Variants in KATNIP observed in about 807,000 individuals in gnomAD.
KATNIP encodes the protein katanin-interacting protein.
In KATNIP, 126 loss-of-function variants were observed where a neutral mutation model predicts 174.0. That is an observed-to-expected ratio of 0.72 (90% CI 0.63 to 0.84). The LOEUF is 0.84. Ranked by LOEUF, KATNIP falls within the 40% of genes least tolerant of loss-of-function variation. The pLI is 0.00. For missense variants in KATNIP, 1,958 were observed against 2,109.7 expected (o/e 0.93, Z 1.41); for synonymous variants, 810 against 835.7 (o/e 0.97, Z 0.53).
chr16:27,569,799 A>C (rs1443354002), intron 1 of KATNIP, among the ~76,000 whole-genome samples: 1 of 152,230 alleles, frequency 6.6e-6, no homozygotes, highest in Non-Finnish European at 1.5e-5. Flanking sequence ...TAATTGAGTG[A>C]ATTATCTTCG....
In KATNIP at chr16:27,777,937, A is replaced by G; in HGVS notation, c.4769A>G (p.Asn1590Ser). 1 of 1,614,112 alleles carries G rather than the reference A, an allele frequency of 6.2e-7. No individual in the cohort carries two copies. The highest frequency in any genetic ancestry group is 8.5e-7 in the Non-Finnish European group (1 of 1,179,986). ...ATGAATGAAAACCAAATCATTACCA[A>G]CGCGAAACGGAAGCAGAGCGTTGTT... Reference protein sequence around the residue: ...QMMNENQIITNAKRKQSVVDP... With the variant: ...QMMNENQIITSAKRKQSVVDP... The change falls in exon 27 of 28, where the codon AAC becomes AGC. Residue 1590 changes from asparagine to serine, a missense_variant. Around this residue, in one of 3 missense-constraint regions of KATNIP, gnomAD observed 383 missense variants for 456.0 expected, o/e 0.84. Coordinates refer to ENST00000261588, the MANE Select transcript of KATNIP (RefSeq NM_015202.5). The surrounding 1 kb of genome is among the most constrained non-coding windows in gnomAD (Gnocchi z 4.4).
chr16:27,774,149 G>A (rs1298350721), intron 23 of KATNIP, among the ~76,000 whole-genome samples: 1 of 152,106 alleles, frequency 6.6e-6, no homozygotes, highest in East Asian at 1.9e-4. Flanking sequence ...AGGGCAAGTC[G>A]AACCCCAAAG....
intron 18 of KATNIP, among the ~76,000 whole-genome samples, chr16:27,756,857 CT>C (rs1415987487): frequency 6.6e-6 from 1 of 152,152 alleles, no homozygotes. Context: ...TGGTGTCTGC[CT>C]CCCTCTCCCT....
intron 19 of KATNIP, among the ~76,000 whole-genome samples, chr16:27,761,911 G>A (rs535871121): frequency 4.0e-4 from 61 of 152,290 alleles, no homozygotes; most frequent in Non-Finnish European, 7.2e-4. Flanking sequence ...GTAGCTGTCT[G>A]TAAACCTTTG....
At chr16:27,714,769 C>G (rs903886196) in intron 13 of KATNIP, among the ~76,000 whole-genome samples, 1 of 152,144 alleles carries the variant, frequency 6.6e-6, no homozygotes, top group Admixed American at 6.5e-5. Flanking sequence ...AATGTTTACT[C>G]TGAAAACTAC....
intron 6 of KATNIP, among the ~76,000 whole-genome samples, chr16:27,651,999 C>T (rs777373390): frequency 4.6e-5 from 7 of 152,170 alleles, no homozygotes; most frequent in Non-Finnish European, 7.4e-5. Context: ...GGATTACAGG[C>T]GTGAGCCACC....
chr16:27,624,378 T>C (rs755639297), intron 3 of KATNIP, among the ~76,000 whole-genome samples: 2 of 152,094 alleles, frequency 1.3e-5, no homozygotes, highest in Non-Finnish European at 2.9e-5. Flanking sequence ...TCCTCATCTG[T>C]GCAGGTGATC....
chr16:27,770,422 T>G (rs976770005), intron 21 of KATNIP, among the ~76,000 whole-genome samples: 2 of 152,232 alleles, frequency 1.3e-5, no homozygotes, highest in African/African-American at 4.8e-5. Flanking sequence ...CACTGGGATT[T>G]CTCGGCCCCA....
chr16:27,603,289 C>A (rs1367777935), intron 2 of KATNIP, among the ~76,000 whole-genome samples: 2 of 152,190 alleles, frequency 1.3e-5, no homozygotes, highest in African/African-American at 4.8e-5. Flanking sequence ...ATCCTCCTAA[C>A]CTGGTGGCCT....
At chr16:27,759,858 G>T (rs1814742190) in intron 18 of KATNIP, among the ~76,000 whole-genome samples, 1 of 152,210 alleles carries the variant, frequency 6.6e-6, no homozygotes, top group Admixed American at 6.5e-5. Context: ...AGGGACACGG[G>T]ATGGGACGAG....
intron 4 of KATNIP, among the ~76,000 whole-genome samples, chr16:27,629,165 CAAA>C (rs1169255800): frequency 1.6e-5 from 1 of 63,962 alleles, no homozygotes; most frequent in Non-Finnish European, 3.3e-5. Context: ...GAGACTCTGT[CAAA>C]AAAAAAAAAA....
chr16:27,677,710 T>C lies in KATNIP; in HGVS notation c.541-19T>C, dbSNP rs2078174441. On this transcript the variant is annotated intron_variant, in intron 6 of 27. Transcript: ENST00000261588. ...AGGTACCATATTTATCTCTCATCTCTCTTCTGGGCTTTTTGCAGGAGCTGA... is the reference window on the plus strand; with the variant it reads ...AGGTACCATATTTATCTCTCATCTCCCTTCTGGGCTTTTTGCAGGAGCTGA... 1.9e-6 allele frequency: 3 copies of C among 1,589,444 alleles called. No individual in the cohort carries two copies. The African/African-American group carries it at 4.0e-5, about 21-fold the overall frequency.
intron 6 of KATNIP, 22 bp downstream of exon 6, chr16:27,648,757 T>C: frequency 6.2e-7 from 1 of 1,609,462 alleles, no homozygotes; most frequent in Non-Finnish European, 8.5e-7. Flanking sequence ...CTTGGCCTTG[T>C]GCTCGGGACA....
intron 2 of KATNIP, among the ~76,000 whole-genome samples, chr16:27,602,150 C>G (rs556096818): frequency 6.6e-6 from 1 of 152,156 alleles, no homozygotes; most frequent in African/African-American, 2.4e-5. Flanking sequence ...CCTGAGCCCC[C>G]TCCTGGGCTG....
intron 20 of KATNIP, among the ~76,000 whole-genome samples, chr16:27,768,857 C>T (rs143697908): frequency 3.9e-5 from 6 of 152,328 alleles, no homozygotes; most frequent in African/African-American, 7.2e-5. Flanking sequence ...GCAGGAGGAG[C>T]GCCTCTGCCT....
chr16:27,736,266 G>C (rs1035443461), intron 14 of KATNIP, among the ~76,000 whole-genome samples: 1 of 152,200 alleles, frequency 6.6e-6, no homozygotes, highest in Admixed American at 6.5e-5. Flanking sequence ...GCCTACCAAA[G>C]TGTTGGGATT....
intron 8 of KATNIP, among the ~76,000 whole-genome samples, chr16:27,684,470 T>TTA (rs2078452618): frequency 1.3e-5 from 2 of 152,238 alleles, no homozygotes; most frequent in African/African-American, 2.4e-5. Context: ...GAGTCACTTG[T>TTA]TATACTTTTT....
At chr16:27,610,494 A>G (rs2075859215) in intron 2 of KATNIP, among the ~76,000 whole-genome samples, 3 of 152,074 alleles carry the variant, frequency 2.0e-5, no homozygotes, top group Admixed American at 2.0e-4. Context: ...AGTCCGAAGA[A>G]AGTTATGGAC....
At chr16:27,651,567 A>C (rs1267626644) in intron 6 of KATNIP, among the ~76,000 whole-genome samples, 1 of 152,216 alleles carries the variant, frequency 6.6e-6, no homozygotes, top group Non-Finnish European at 1.5e-5. Flanking sequence ...GAAACACACC[A>C]GCCTCTCGCC....
Sources: gnomAD v4.1 joint callset for allele counts (sites outside exome capture counted in the v4.1 genomes callset) on GRCh38, gnomAD v4.1.1 for gene constraint, gnomAD v4.1.1 regional missense constraint, Gnocchi (gnomAD v3.1) non-coding constraint, MANE v1.5 for transcripts, NCBI Gene and HGNC (gene_info 2026-07-23, HGNC 2026-07-21) for gene names.